Variants in USH2A observed in about 807,000 individuals in gnomAD.
USH2A encodes the protein usherin.
USH2A carries 443 observed loss-of-function variants against 538.9 expected under a neutral mutation model. That is an observed-to-expected ratio of 0.82 (90% CI 0.76 to 0.89). The LOEUF is 0.89. Ranked by LOEUF, USH2A falls within the 40% of genes least tolerant of loss-of-function variation. The pLI is 0.00. For synonymous variants in USH2A, 2,413 were observed against 2,273.5 expected (o/e 1.06, Z -1.75); for missense variants, 6,633 against 6,324.8 (o/e 1.05, Z -1.65).
rs762558966 is a variant in USH2A, at chr1:216,365,031, G to T, written c.706C>A (p.Pro236Thr). The T allele has an allele frequency of 3.7e-6, 6 of 1,613,556 alleles. No individual in the cohort carries two copies. The highest frequency in any genetic ancestry group is 1.1e-5 in the South Asian group (1 of 91,070). Reference sequence around the variant, plus strand: ...CCACTTAGAGTTCTTGCATTGAAAGGTGTATGATCCTTCTCCACGCCATTG... The same window carrying T: ...CCACTTAGAGTTCTTGCATTGAAAGTTGTATGATCCTTCTCCACGCCATTG... ...FINGVEKDHT[P>T]FNARTLSGSI... The change falls in exon 4 of 72, where the codon CCT becomes ACT. Residue 236 changes from proline to threonine, a missense_variant. Transcript: ENST00000307340.
intron 44 of USH2A, among the ~76,000 whole-genome samples, chr1:215,852,565 A>G (rs1348625395): frequency 6.6e-6 from 1 of 152,152 alleles, no homozygotes; most frequent in African/African-American, 2.4e-5. Context: ...GCATTAACTG[A>G]AAAGTCCACA....
intron 21 of USH2A, among the ~76,000 whole-genome samples, chr1:216,152,822 G>T (rs1403320239): frequency 6.6e-6 from 1 of 152,160 alleles, no homozygotes; most frequent in African/African-American, 2.4e-5. Context: ...AATAAAAAAA[G>T]GCACTTCTGT....
At position 215,845,997 on chromosome 1, in the gene USH2A, G is replaced by C; in HGVS notation, c.8882C>G (p.Thr2961Arg). Residue 2961 changes from threonine (T) to arginine (R), a missense_variant, in exon 45 of 72, where the codon ACA becomes AGA. Transcript: ENST00000307340. Reference sequence around the variant, plus strand: ...TGAGGTAGCAGAACTCCAAAAAAGTGTGTAATATTCAACTTCACCTTGTAG... The same window carrying C: ...TGAGGTAGCAGAACTCCAAAAAAGTCTGTAATATTCAACTTCACCTTGTAG... ...QDLQGEVEYYTLFWSSATSND... is the reference protein window; with the variant it reads ...QDLQGEVEYYRLFWSSATSND... 1 of 1,613,028 alleles carries C rather than the reference G, an allele frequency of 6.2e-7. No homozygotes were observed. Among genetic ancestry groups the C allele is most frequent in the Non-Finnish European group, 8.5e-7 (1 of 1,179,366 alleles).
At chr1:216,082,462 TAAA>T (rs75095481) in intron 26 of USH2A, among the ~76,000 whole-genome samples, 4 of 132,598 alleles carry the variant, frequency 3.0e-5, no homozygotes, top group Non-Finnish European at 1.6e-5. Flanking sequence ...CTAGGAATGT[TAAA>T]AAAAAAAAAA....
At chr1:215,696,291 G>A (rs745654326) in intron 61 of USH2A, among the ~76,000 whole-genome samples, 2 of 152,178 alleles carry the variant, frequency 1.3e-5, no homozygotes, top group Admixed American at 1.3e-4. Context: ...GGAGAAGGAA[G>A]AGGAGGAATT....
chr1:215,785,834 T>A (rs1002388426), intron 52 of USH2A, among the ~76,000 whole-genome samples: 1 of 151,986 alleles, frequency 6.6e-6, no homozygotes, highest in African/African-American at 2.4e-5. Context: ...GACTGATGAT[T>A]CATGATGGAA....
rs2037014263 is a variant in USH2A at position 216,292,204 on chromosome 1, ACTC to A, written c.1808_1810del (p.Gly603del). 1.2e-6 allele frequency: 2 copies of A among 1,613,896 alleles called. No individual in the cohort carries two copies. The highest frequency in any genetic ancestry group is 1.7e-6 in the Non-Finnish European group (2 of 1,179,940). ...AGTGTTATGCTCACAATCATCACAA[ACTC>A]CTCCTCCCCCTCTGAAGTGCTCAAA... On this transcript the variant is annotated inframe_deletion, in exon 10 of 72. Coordinates refer to ENST00000307340, the MANE Select transcript of USH2A (RefSeq NM_206933.4).
chr1:216,209,385 G>A (rs1193096480), intron 15 of USH2A, among the ~76,000 whole-genome samples: 1 of 152,174 alleles, frequency 6.6e-6, no homozygotes, highest in Non-Finnish European at 1.5e-5. Flanking sequence ...TGGCCAGAGG[G>A]CAATGGAGGC....
chr1:215,679,411 C>T (rs1297386639), intron 62 of USH2A, among the ~76,000 whole-genome samples: 2 of 152,032 alleles, frequency 1.3e-5, no homozygotes, highest in African/African-American at 4.8e-5. Context: ...TGATGAGGGC[C>T]TAAGAGATGG....
chr1:215,643,814 G>A (rs1656766458), intron 67 of USH2A, among the ~76,000 whole-genome samples: 1 of 152,132 alleles, frequency 6.6e-6, no homozygotes, highest in Non-Finnish European at 1.5e-5. Context: ...ACAAGTGTGA[G>A]CCAGTGTGCC....
intron 26 of USH2A, chr1:216,078,967 G>A (rs1235279592): frequency 6.6e-6 from 1 of 151,992 alleles, no homozygotes; most frequent in South Asian, 2.1e-4. Context: ...ATTTTCTAAT[G>A]TGAACATATT....
intron 21 of USH2A, among the ~76,000 whole-genome samples, chr1:216,145,929 C>T (rs543239538): frequency 6.6e-6 from 1 of 152,236 alleles, no homozygotes; most frequent in African/African-American, 2.4e-5. Flanking sequence ...TAAAACGGCC[C>T]CACCCTTATC....
intron 20 of USH2A, among the ~76,000 whole-genome samples, chr1:216,187,564 CA>C (rs1450823562): frequency 6.6e-6 from 1 of 151,770 alleles, no homozygotes; most frequent in Non-Finnish European, 1.5e-5. Context: ...TTTCACAATA[CA>C]ATCCTTAGTT....
At chr1:216,170,582 G>T (rs933851135) in intron 21 of USH2A, among the ~76,000 whole-genome samples, 4 of 152,008 alleles carry the variant, frequency 2.6e-5, no homozygotes, top group Admixed American at 6.6e-5. Flanking sequence ...TTAAAAGGCT[G>T]GTGTGATTGG....
In USH2A at chr1:215,845,894, G is replaced by C. The variant is rs901891136; in HGVS notation, c.8985C>G (p.Ile2995Met). 1.9e-6 allele frequency: 3 copies of C among 1,613,780 alleles called. No homozygotes were observed. The African/African-American group carries it at 4.0e-5, about 22-fold the overall frequency. ...GHLKPNTEYW[I>M]FISVFNGVHS... Reference sequence around the variant, plus strand: ...GGACTCCATTGAAGACAGAGATAAAGATCCAATACTCTGTGTTTGGCTTTA... The same window carrying C: ...GGACTCCATTGAAGACAGAGATAAACATCCAATACTCTGTGTTTGGCTTTA... Residue 2995 changes from isoleucine to methionine, a missense_variant, in exon 45 of 72, where the codon ATC becomes ATG. By Grantham distance (10) the Ile-to-Met change is conservative (BLOSUM62 1). Coordinates refer to ENST00000307340, the MANE Select transcript of USH2A (RefSeq NM_206933.4).
At chr1:216,112,329 A>G (rs533093561) in intron 21 of USH2A, among the ~76,000 whole-genome samples, 3 of 152,326 alleles carry the variant, frequency 2.0e-5, no homozygotes, top group South Asian at 2.1e-4. Context: ...AAAAATTACA[A>G]TGGAACTATA....
In USH2A at chr1:215,659,189, G is replaced by A. The variant is rs374134122; in HGVS notation, c.14134-8388C>T. ...TACATAAGGTGATAGAGCAGAAAAT[G>A]GTTGGCTTATCCAGGAGGTTCTCTC... On this transcript the variant is annotated intron_variant, in intron 64 of 71. Coordinates refer to ENST00000307340, the MANE Select transcript of USH2A (RefSeq NM_206933.4). Among the ~76,000 whole-genome samples, 9 of 152,324 alleles carry A rather than the reference G, an allele frequency of 5.9e-5. No individual in the cohort carries two copies. In the East Asian group the frequency reaches 1.7e-3, roughly 29 times the overall value.
chr1:216,352,000 G>T (rs1307680526), intron 4 of USH2A, among the ~76,000 whole-genome samples: 1 of 151,984 alleles, frequency 6.6e-6, no homozygotes, highest in Non-Finnish European at 1.5e-5. Flanking sequence ...AAGAAAACCA[G>T]TTCCATTTTG....
intron 61 of USH2A, among the ~76,000 whole-genome samples, chr1:215,683,975 C>CT (rs5780844): frequency 0.74 from 112,331 of 152,048 alleles, 41,857 homozygotes; most frequent in East Asian, 0.9. Flanking sequence ...AGCATGTCAG[C>CT]TACTTTTGTT....
Sources: gnomAD v4.1 joint callset for allele counts (sites outside exome capture counted in the v4.1 genomes callset) on GRCh38, gnomAD v4.1.1 for gene constraint, MANE v1.5 for transcripts, NCBI Gene and HGNC (gene_info 2026-07-23, HGNC 2026-07-21) for gene names.